Variants in GALNT13 observed in about 807,000 individuals in gnomAD.
GALNT13 encodes the protein UDP-GalNAc:polypeptide N-acetylgalactosaminyltransferase 13.
Under a neutral mutation model 64.2 loss-of-function variants are expected in GALNT13, and 28 were observed. The observed-to-expected ratio is 0.44, with a 90% CI of 0.32 to 0.60. The LOEUF (loss-of-function observed/expected upper bound fraction) is 0.60, where lower values mean the gene tolerates loss of function less well. Ranked by LOEUF, GALNT13 falls within the 20% of genes least tolerant of loss-of-function variation. The pLI, the probability that GALNT13 is intolerant of heterozygous loss-of-function variation, is 0.05. For synonymous variants in GALNT13, 214 were observed against 224.6 expected (o/e 0.95, Z 0.42); for missense variants, 577 against 669.8 (o/e 0.86, Z 1.53).
rs577529071 is a variant in GALNT13, at chr2:153,886,342, C to T, written c.-177+14039C>T. Among the ~76,000 whole-genome samples the T allele has an allele frequency of 1.9e-4, 29 of 151,746 alleles. 1 individual carries two copies. Among genetic ancestry groups the T allele is most frequent in the Non-Finnish European group, 3.7e-4 (25 of 67,916 alleles). On this transcript the variant is annotated intron_variant, in intron 1 of 12. Coordinates refer to ENST00000392825, the MANE Select transcript of GALNT13 (RefSeq NM_052917.4). ...TTGTCATTTAACATTAGGTATATCT[C>T]CTAATGCTATCCCTCCCCACTCCCC...
chr2:153,515,724 G>A, the GALNT13 span, among the ~76,000 whole-genome samples: 2 of 152,126 alleles, frequency 1.3e-5, no homozygotes, highest in South Asian at 2.1e-4. Flanking sequence ...AAGGCTTCCT[G>A]TACTAAATAA....
At chr2:153,309,268 A>T in the GALNT13 span, among the ~76,000 whole-genome samples, 36 of 152,306 alleles carry the variant, frequency 2.4e-4, no homozygotes, top group African/African-American at 8.4e-4. Flanking sequence ...ACTAAGAGGC[A>T]CACAAGTGTA....
chr2:153,827,954 C>G, the GALNT13 span, among the ~76,000 whole-genome samples: 1 of 152,216 alleles, frequency 6.6e-6, no homozygotes, highest in East Asian at 1.9e-4. Context: ...GGGCTACAGG[C>G]CCCACGCAAG....
the GALNT13 span, among the ~76,000 whole-genome samples, chr2:153,564,461 C>T: frequency 2.6e-4 from 40 of 152,016 alleles, no homozygotes; most frequent in African/African-American, 9.7e-4. Flanking sequence ...GTAATATTGT[C>T]TTGAGAACCG....
the GALNT13 span, among the ~76,000 whole-genome samples, chr2:153,198,453 T>G: frequency 6.6e-6 from 1 of 152,194 alleles, no homozygotes; most frequent in African/African-American, 2.4e-5. Context: ...ACCTCTCCTC[T>G]CATTCCTTCA....
the GALNT13 span, among the ~76,000 whole-genome samples, chr2:153,617,648 A>G: frequency 6.6e-6 from 1 of 151,742 alleles, no homozygotes; most frequent in Admixed American, 6.6e-5. Context: ...TTTTTTAAAT[A>G]TTTGATAGAA....
chr2:153,877,772 G>C (rs1318216227), intron 1 of GALNT13, among the ~76,000 whole-genome samples: 2 of 152,136 alleles, frequency 1.3e-5, no homozygotes, highest in Non-Finnish European at 2.9e-5. Context: ...ATCCATTCCA[G>C]CTTATTTATG....
At chr2:153,409,840 C>A in the GALNT13 span, among the ~76,000 whole-genome samples, 1 of 152,106 alleles carries the variant, frequency 6.6e-6, no homozygotes, top group Non-Finnish European at 1.5e-5. Flanking sequence ...TAAACATTTT[C>A]TTGAACTGAA....
chr2:153,435,792 C>A, the GALNT13 span, among the ~76,000 whole-genome samples: 1 of 152,076 alleles, frequency 6.6e-6, no homozygotes, highest in African/African-American at 2.4e-5. Flanking sequence ...ATTTGACTTC[C>A]TCTTTTCCTA....
intron 6 of GALNT13, among the ~76,000 whole-genome samples, chr2:154,245,079 C>T (rs1055292875): frequency 2.0e-5 from 3 of 150,534 alleles, no homozygotes; most frequent in African/African-American, 7.3e-5. Flanking sequence ...GCACTCCAGC[C>T]TGGGTGACAG....
At chr2:153,223,672 G>T in the GALNT13 span, among the ~76,000 whole-genome samples, 1 of 152,110 alleles carries the variant, frequency 6.6e-6, no homozygotes, top group East Asian at 1.9e-4. Context: ...GTGGGATATG[G>T]CCACATATGG....
the GALNT13 span, among the ~76,000 whole-genome samples, chr2:153,237,219 A>C: frequency 6.6e-6 from 1 of 152,174 alleles, no homozygotes; most frequent in South Asian, 2.1e-4. Flanking sequence ...TTTTGGGTAC[A>C]TAGTAGCTAT....
chr2:153,078,484 G>C, the GALNT13 span, among the ~76,000 whole-genome samples: 1 of 151,728 alleles, frequency 6.6e-6, no homozygotes, highest in Non-Finnish European at 1.5e-5. Context: ...GCTAATTTTT[G>C]TATTTTTAGT....
At chr2:153,514,200 G>A in the GALNT13 span, among the ~76,000 whole-genome samples, 2 of 151,750 alleles carry the variant, frequency 1.3e-5, no homozygotes, top group African/African-American at 4.8e-5. Flanking sequence ...TATTTGAAGA[G>A]TTTCTTGCCA....
At chr2:153,331,575 C>T in the GALNT13 span, among the ~76,000 whole-genome samples, 2 of 152,090 alleles carry the variant, frequency 1.3e-5, no homozygotes, top group Non-Finnish European at 2.9e-5. Flanking sequence ...AGGAAGCATC[C>T]AGCACAGGAG....
At chr2:154,384,283 G>A (rs1349942514) in intron 9 of GALNT13, among the ~76,000 whole-genome samples, 2 of 151,788 alleles carry the variant, frequency 1.3e-5, no homozygotes, top group African/African-American at 4.8e-5. Flanking sequence ...CTCAAATTCT[G>A]GAAAGCGGAA....
chr2:154,347,335 A>T (rs1696126571), intron 9 of GALNT13, among the ~76,000 whole-genome samples: 1 of 152,082 alleles, frequency 6.6e-6, no homozygotes, highest in Non-Finnish European at 1.5e-5. Context: ...ATACCACTTG[A>T]TCTTTCATAT....
the GALNT13 span, among the ~76,000 whole-genome samples, chr2:153,648,920 A>C: frequency 1.3e-5 from 2 of 152,176 alleles, no homozygotes; most frequent in East Asian, 3.9e-4. Context: ...ATTGGTCTAA[A>C]ATTCTCTTTT....
At chr2:154,093,358 A>G (rs895434466) in intron 3 of GALNT13, among the ~76,000 whole-genome samples, 4 of 152,048 alleles carry the variant, frequency 2.6e-5, no homozygotes, top group Non-Finnish European at 5.9e-5. Context: ...AAGAGTAATT[A>G]ATGCCCATAA....
Sources: gnomAD v4.1 joint callset for allele counts (sites outside exome capture counted in the v4.1 genomes callset) on GRCh38, gnomAD v4.1.1 for gene constraint, MANE v1.5 for transcripts, NCBI Gene and HGNC (gene_info 2026-07-23, HGNC 2026-07-21) for gene names.